DSCAML1: variants seen among roughly 807,000 people sequenced by gnomAD.
DSCAML1 encodes the protein cell adhesion molecule DSCAML1.
DSCAML1 carries 38 observed loss-of-function variants against 200.5 expected under a neutral mutation model. That is an observed-to-expected ratio of 0.19 (90% CI 0.15 to 0.25). The LOEUF is 0.25. DSCAML1 is among the 10% of genes least tolerant of loss of function. The pLI, the probability that DSCAML1 is intolerant of heterozygous loss-of-function variation, is 1.00. For synonymous variants in DSCAML1, 1,215 were observed against 1,165.0 expected (o/e 1.04, Z -0.87); for missense variants, 2,223 against 2,858.8 (o/e 0.78, Z 5.07).
In DSCAML1 at chr11:117,438,097, G is replaced by T; in HGVS notation, c.4244-14C>A. On this transcript the variant is annotated splice_polypyrimidine_tract_variant and intron_variant, in intron 24 of 32. Transcript: ENST00000651296. ...GTAGCACGAAGCCTGCGGAGGGTAG[G>T]CCTGATTCAGGTGGGGGCAGGGCAG... 5 of 1,596,204 alleles carry T rather than the reference G, an allele frequency of 3.1e-6. No individual in the cohort carries two copies. Among genetic ancestry groups the T allele is most frequent in the Non-Finnish European group, 4.3e-6 (5 of 1,167,646 alleles).
intron 3 of DSCAML1, among the ~76,000 whole-genome samples, chr11:117,582,840 A>C (rs942677550): frequency 6.6e-6 from 1 of 152,192 alleles, no homozygotes; most frequent in Non-Finnish European, 1.5e-5. Context: ...GTTGAAGCAC[A>C]AGAAGCCTGA....
Position 117,451,237 on chromosome 11 carries a change from A to C in DSCAML1, c.3569-549T>G, listed in dbSNP as rs76695558. ...GGAAATCCATCCTAAGTGGATTCCA[A>C]CTCTTATGGACTCTGATGTCCCCTT... On this transcript the variant is annotated intron_variant, in intron 19 of 32. Transcript: ENST00000651296. Among the ~76,000 whole-genome samples, 1,401 of 152,096 alleles carry C rather than the reference A, an allele frequency of 9.2e-3. 20 individuals carry two copies. The highest frequency in any genetic ancestry group is 0.031 in the African/African-American group (1,281 of 41,472).
intron 3 of DSCAML1, among the ~76,000 whole-genome samples, chr11:117,749,711 C>T (rs1036683752): frequency 6.6e-5 from 10 of 152,218 alleles, no homozygotes; most frequent in African/African-American, 2.2e-4. Flanking sequence ...TGGGTCAGAA[C>T]CAGCACGGTC....
intron 1 of DSCAML1, among the ~76,000 whole-genome samples, chr11:117,813,538 C>T (rs571796078): frequency 1.3e-5 from 2 of 152,314 alleles, no homozygotes; most frequent in South Asian, 4.1e-4. Flanking sequence ...TCTCCATAGG[C>T]ACTCTCTAAT....
At chr11:117,678,833 C>T (rs1170077145) in intron 3 of DSCAML1, among the ~76,000 whole-genome samples, 2 of 152,326 alleles carry the variant, frequency 1.3e-5, no homozygotes, top group African/African-American at 4.8e-5. Flanking sequence ...GCCTTGTAGG[C>T]GAGGACTTTG....
intron 18 of DSCAML1, among the ~76,000 whole-genome samples, chr11:117,460,387 C>T (rs1301134016): frequency 1.3e-5 from 2 of 151,950 alleles, no homozygotes; most frequent in African/African-American, 2.4e-5. Context: ...GGAGAGGGGA[C>T]CGTAGTAGCG....
intron 3 of DSCAML1, among the ~76,000 whole-genome samples, chr11:117,742,541 T>C (rs1279499339): frequency 6.6e-6 from 1 of 151,804 alleles, no homozygotes; most frequent in Non-Finnish European, 1.5e-5. Flanking sequence ...TTGGAGGAGG[T>C]GGAGGTGACT....
intron 19 of DSCAML1, among the ~76,000 whole-genome samples, chr11:117,451,603 C>T (rs1481465509): frequency 6.6e-6 from 1 of 152,102 alleles, no homozygotes; most frequent in Non-Finnish European, 1.5e-5. Flanking sequence ...GCGGGCGGAT[C>T]CCCCGAGGTC....
Position 117,471,987 on chromosome 11 carries a change from G to T in DSCAML1, c.2835C>A (p.Asn945Lys). ...GGTGCAAGTCCACAATGTTGGCCTG[G>T]TTGATGGTGGGGGAGATGTTGCGTG... is the stretch of plus-strand genomic sequence containing the variant. ...QSTRNISPTI[N>K]QANIVDLHPA... The change falls in exon 15 of 33, where the codon AAC becomes AAA. Residue 945 changes from asparagine to lysine, a missense_variant. This residue lies in a region of DSCAML1 where 438 missense variants were observed against 629.7 expected (regional missense o/e 0.70). Transcript: ENST00000651296. 1 of 1,614,192 alleles carries T rather than the reference G, an allele frequency of 6.2e-7. No homozygotes were observed. The highest frequency in any genetic ancestry group is 8.5e-7 in the Non-Finnish European group (1 of 1,180,024).
upstream of DSCAML1, among the ~76,000 whole-genome samples, chr11:117,799,897 T>C (rs2055641317): frequency 6.6e-6 from 1 of 152,184 alleles, no homozygotes; most frequent in East Asian, 1.9e-4. Flanking sequence ...CCTTGACCTG[T>C]GGGAACTGGG....
chr11:117,439,229 G>T (rs750949245), intron 23 of DSCAML1, 37 bp downstream of exon 23: 5 of 1,609,890 alleles, frequency 3.1e-6, no homozygotes, highest in Non-Finnish European at 3.4e-6. Context: ...CTCCATCCCT[G>T]TCCCCACCTG....
intron 20 of DSCAML1, 129 bp downstream of exon 20, chr11:117,450,417 ATTC>A (rs2048262927): frequency 1.5e-6 from 2 of 1,330,388 alleles, no homozygotes; most frequent in Non-Finnish European, 1.0e-6. Flanking sequence ...GCCAGTCCCC[ATTC>A]TTATCTATGA....
At chr11:117,639,297 T>C (rs1456735656) in intron 3 of DSCAML1, among the ~76,000 whole-genome samples, 1 of 57,226 alleles carries the variant, frequency 1.7e-5, no homozygotes, top group African/African-American at 7.0e-5. Context: ...GCTGGATGGA[T>C]GGGAGGCTGG....
rs1555032688 is a variant in DSCAML1, at chr11:117,780,238, AAG to A, written c.364+253_364+254del. Among the ~76,000 whole-genome samples, 2 of 66,364 alleles carry A rather than the reference AAG, an allele frequency of 3.0e-5. No homozygotes were observed. Among genetic ancestry groups the A allele is most frequent in the African/African-American group, 1.1e-4 (2 of 18,354 alleles). 43.5% of individuals were successfully genotyped at this position (66,364 alleles called of 152,430 possible). On this transcript the variant is annotated intron_variant, in intron 2 of 32. Transcript: ENST00000651296. The surrounding 1 kb of genome is among the most constrained non-coding windows in gnomAD (Gnocchi z 4.8). ...GAGAGAGAAAGAAAGAAAGGAAAGA[AAG>A]AAAGAAAGAAAGAAAGAAAGAAAGA...
At chr11:117,691,645 G>A (rs996095925) in intron 3 of DSCAML1, among the ~76,000 whole-genome samples, 5 of 152,088 alleles carry the variant, frequency 3.3e-5, no homozygotes, top group Non-Finnish European at 7.4e-5. Context: ...TTCCCTGCTC[G>A]GCGTTTAATC....
rs893854033 is a variant in DSCAML1 at position 117,505,108 on chromosome 11, G to A, written c.2063-65C>T. On this transcript the variant is annotated intron_variant, in intron 9 of 32. Coordinates refer to ENST00000651296, the MANE Select transcript of DSCAML1 (RefSeq NM_020693.4). This position sits in a 1 kb window ranked among gnomAD's most constrained non-coding sequence, Gnocchi z 6.7. ...TCTCTGATGGGTCTCCTAGGGCTTC[G>A]AGCACCTTCTGTTTGAGGTCAGCCC... The A allele has an allele frequency of 1.1e-5, 17 of 1,565,976 alleles. No individual in the cohort carries two copies. The highest frequency in any genetic ancestry group is 4.5e-5 in the East Asian group (2 of 44,106).
chr11:117,513,066 C>T (rs1043938958), intron 8 of DSCAML1, among the ~76,000 whole-genome samples: 2 of 152,106 alleles, frequency 1.3e-5, no homozygotes, highest in Admixed American at 1.3e-4. Context: ...TGAGGGCTGG[C>T]GCAGGGAGTG....
At chr11:117,482,199 G>A (rs774830723) in intron 11 of DSCAML1, 37 bp from the exon 12 acceptor site, 19 of 1,610,666 alleles carry the variant, frequency 1.2e-5, no homozygotes, top group African/African-American at 4.0e-5. Context: ...AGTGAAGGTC[G>A]GGAGACCAGC....
intron 3 of DSCAML1, among the ~76,000 whole-genome samples, chr11:117,684,018 C>T (rs947101991): frequency 6.6e-6 from 1 of 152,174 alleles, no homozygotes; most frequent in East Asian, 1.9e-4. Context: ...ATTTTCTTAT[C>T]AATACCTTGC....
Sources: gnomAD v4.1 joint callset for allele counts (sites outside exome capture counted in the v4.1 genomes callset) on GRCh38, gnomAD v4.1.1 for gene constraint, gnomAD v4.1.1 regional missense constraint, Gnocchi (gnomAD v3.1) non-coding constraint, MANE v1.5 for transcripts, NCBI Gene and HGNC (gene_info 2026-07-23, HGNC 2026-07-21) for gene names.